KLHL1: variants seen among roughly 807,000 people sequenced by gnomAD.
The protein encoded by KLHL1 is kelch like family member 1.
Under a neutral mutation model 77.7 loss-of-function variants are expected in KLHL1, and 47 were observed. The ratio of observed to expected loss-of-function variants is 0.60; its 90% confidence interval spans 0.48 to 0.77. KLHL1 has a LOEUF of 0.77. Among genes scored for constraint, KLHL1 ranks in the 30% least tolerant of loss-of-function variants. The pLI is 0.00. For missense variants in KLHL1, 925 were observed against 910.8 expected, an observed-to-expected ratio of 1.02 and a Z score of -0.20; for synonymous variants, 360 against 325.2, an observed-to-expected ratio of 1.11 and a Z score of -1.15.
intron 5 of KLHL1, among the ~76,000 whole-genome samples, chr13:69,844,210 A>G (rs1879370573): frequency 6.6e-6 from 1 of 151,582 alleles, no homozygotes; most frequent in Non-Finnish European, 1.5e-5. Flanking sequence ...ACATAAAAAT[A>G]TATTATGAAT....
At chr13:69,951,537 G>C (rs1883711689) in intron 3 of KLHL1, among the ~76,000 whole-genome samples, 1 of 151,514 alleles carries the variant, frequency 6.6e-6, no homozygotes, top group African/African-American at 2.4e-5. Flanking sequence ...AAAGAAAAAT[G>C]TTGGCAGTTT....
rs900664186 is a variant in KLHL1 at position 69,885,156 on chromosome 13, G to A, written c.1015-2661C>T. On this transcript the variant is annotated intron_variant, in intron 4 of 10. Transcript: ENST00000377844. ...GGGGTTTCACCGTGTTAGCCAGGAT[G>A]GTCTCGATCTCCTGACCTCGTGATC... 3.7e-5 allele frequency among the ~76,000 whole-genome samples: 5 copies of A among 136,216 alleles called. 1 individual carries two copies. Among genetic ancestry groups the A allele is most frequent in the African/African-American group, 6.7e-5 (2 of 29,686 alleles). The allele number at this position is 136,216 out of a possible 152,430, so 89.4% of individuals were successfully genotyped here.
intron 2 of KLHL1, among the ~76,000 whole-genome samples, chr13:69,972,544 G>A (rs1884416673): frequency 6.6e-6 from 1 of 151,686 alleles, no homozygotes; most frequent in African/African-American, 2.4e-5. Context: ...TCAGAAAAAA[G>A]CCACCCCTTC....
intron 5 of KLHL1, among the ~76,000 whole-genome samples, chr13:69,861,968 A>T (rs1880184373): frequency 1.4e-5 from 1 of 71,168 alleles, no homozygotes; most frequent in African/African-American, 6.6e-5. Context: ...TCCGTCTCAA[A>T]ATAAAATAAA....
intron 1 of KLHL1, among the ~76,000 whole-genome samples, chr13:70,090,937 C>T (rs916545261): frequency 2.0e-5 from 3 of 152,104 alleles, no homozygotes; most frequent in African/African-American, 7.2e-5. Flanking sequence ...TGTGTAATCA[C>T]AGTCCTCTCC....
At chr13:70,054,595 G>T (rs573009979) in intron 1 of KLHL1, among the ~76,000 whole-genome samples, 1 of 151,862 alleles carries the variant, frequency 6.6e-6, no homozygotes, top group Non-Finnish European at 1.5e-5. Context: ...ACCCCCAAGT[G>T]ACATAAATAT....
intron 4 of KLHL1, among the ~76,000 whole-genome samples, chr13:69,886,398 A>C (rs1881222168): frequency 1.3e-5 from 2 of 151,344 alleles, no homozygotes; most frequent in Admixed American, 1.3e-4. Context: ...TGTTTGTTTA[A>C]TTATTTCCTG....
rs74092334 is a variant in KLHL1, at chr13:70,015,996, G to A, written c.498-40194C>T. On this transcript the variant is annotated intron_variant, in intron 1 of 10. Transcript: ENST00000377844. ...TTAAATTATTTTATTTAGAGATCAAGAAAAATAATGTATAGAAAGATTAAA... is the reference window on the plus strand; with the variant it reads ...TTAAATTATTTTATTTAGAGATCAAAAAAAATAATGTATAGAAAGATTAAA... Among the ~76,000 whole-genome samples the A allele has an allele frequency of 5.9e-3, 895 of 152,156 alleles. 15 individuals carry two copies. Among genetic ancestry groups the A allele is most frequent in the African/African-American group, 0.02 (835 of 41,532 alleles).
intron 5 of KLHL1, among the ~76,000 whole-genome samples, chr13:69,859,654 AATT>A (rs1213955439): frequency 6.6e-6 from 1 of 152,144 alleles, no homozygotes; most frequent in Non-Finnish European, 1.5e-5. Flanking sequence ...TCTATCTAAA[AATT>A]ATTGACACTT....
chr13:69,717,251 C>A lies in KLHL1; in HGVS notation c.2015+2118G>T, dbSNP rs186255203. On this transcript the variant is annotated intron_variant, in intron 9 of 10. Transcript: ENST00000377844. ...TTCTTGCTATTTCTAATGATGTTTG[C>A]CTATGATTATATACTACAGAACATT... 9.2e-5 allele frequency among the ~76,000 whole-genome samples: 14 copies of A among 152,216 alleles called. No homozygotes were observed. In the East Asian group the frequency reaches 2.7e-3, roughly 29 times the overall value.
At chr13:70,058,428 C>T (rs1427448075) in intron 1 of KLHL1, among the ~76,000 whole-genome samples, 2 of 152,050 alleles carry the variant, frequency 1.3e-5, no homozygotes, top group South Asian at 2.1e-4. Flanking sequence ...TTTATGTATG[C>T]CAAGAGTGAA....
chr13:69,745,496 T>G (rs1874170309), intron 7 of KLHL1, among the ~76,000 whole-genome samples: 1 of 151,952 alleles, frequency 6.6e-6, no homozygotes, highest in Admixed American at 6.6e-5. Flanking sequence ...GGAGTTAAGT[T>G]TACTTGATTT....
Position 70,107,646 on chromosome 13 carries a change from G to GCGGAGT in KLHL1, c.48_53dup (p.Leu17_Arg18dup). The GCGGAGT allele has an allele frequency of 6.4e-7, 1 of 1,553,678 alleles. No homozygotes were observed. Among genetic ancestry groups the GCGGAGT allele is most frequent in the Non-Finnish European group, 8.7e-7 (1 of 1,154,290 alleles). On this transcript the variant is annotated inframe_insertion, in exon 1 of 11. Coordinates refer to ENST00000377844, the MANE Select transcript of KLHL1 (RefSeq NM_020866.3). ...GAGACGGGTGGCTGAAGAGTTTCCA[G>GCGGAGT]CGGAGTCGCAGAATGTGCTTCACAT... is the stretch of plus-strand genomic sequence containing the variant.
chr13:69,769,663 T>C (rs1593811950), intron 7 of KLHL1, among the ~76,000 whole-genome samples: 1 of 152,230 alleles, frequency 6.6e-6, no homozygotes, highest in East Asian at 1.9e-4. Context: ...ATTCCAAACA[T>C]ATAAAAGCCC....
intron 1 of KLHL1, among the ~76,000 whole-genome samples, chr13:70,021,939 G>A (rs1885809329): frequency 6.6e-6 from 1 of 151,910 alleles, no homozygotes; most frequent in Non-Finnish European, 1.5e-5. Context: ...CCCAGTCTGT[G>A]GCTTGTCTTT....
At chr13:69,752,507 T>C (rs1025149144) in intron 7 of KLHL1, among the ~76,000 whole-genome samples, 4 of 152,172 alleles carry the variant, frequency 2.6e-5, no homozygotes, top group Admixed American at 6.6e-5. Context: ...TAAAGTGCAA[T>C]GTTATAACAT....
At chr13:69,738,594 T>C (rs1873858027) in intron 8 of KLHL1, among the ~76,000 whole-genome samples, 1 of 152,012 alleles carries the variant, frequency 6.6e-6, no homozygotes, top group African/African-American at 2.4e-5. Context: ...AACAGAACTT[T>C]ACAATGCAAA....
At chr13:69,985,272 A>G (rs1346076835) in intron 1 of KLHL1, among the ~76,000 whole-genome samples, 16 of 152,174 alleles carry the variant, frequency 1.1e-4, no homozygotes, top group Admixed American at 8.5e-4. Flanking sequence ...CAAACAAGTC[A>G]ATAGCAGAAA....
intron 1 of KLHL1, among the ~76,000 whole-genome samples, chr13:70,049,070 T>C (rs771005594): frequency 1.1e-4 from 16 of 152,218 alleles, no homozygotes; most frequent in Non-Finnish European, 2.1e-4. Flanking sequence ...TTAGTACTAA[T>C]AATAAATATT....
Sources: gnomAD v4.1 joint callset for allele counts (sites outside exome capture counted in the v4.1 genomes callset) on GRCh38, gnomAD v4.1.1 for gene constraint, MANE v1.5 for transcripts, NCBI Gene and HGNC (gene_info 2026-07-23, HGNC 2026-07-21) for gene names.